Variants in CLOCK observed in about 807,000 individuals in gnomAD.
The protein encoded by CLOCK is circadian locomoter output cycles protein kaput.
CLOCK carries 43 observed loss-of-function variants against 118.4 expected under a neutral mutation model. That is an observed-to-expected ratio of 0.36 (90% CI 0.28 to 0.47). The LOEUF (loss-of-function observed/expected upper bound fraction) is 0.47, where lower values mean the gene tolerates loss of function less well. CLOCK is among the 20% of genes least tolerant of loss of function. The pLI, the probability that CLOCK is intolerant of heterozygous loss-of-function variation, is 1.00. For missense variants in CLOCK, 846 were observed against 999.9 expected, an observed-to-expected ratio of 0.85 and a Z score of 2.08; for synonymous variants, 326 against 339.2, an observed-to-expected ratio of 0.96 and a Z score of 0.43.
At chr4:55,443,173 T>C (rs1051073342) in intron 20 of CLOCK, among the ~76,000 whole-genome samples, 3 of 152,036 alleles carry the variant, frequency 2.0e-5, no homozygotes, top group East Asian at 1.9e-4. Context: ...TTTAAACAGA[T>C]TGTGACATAT....
chr4:55,444,572 T>C, intron 19 of CLOCK, 61 bp downstream of exon 19: 1 of 1,607,806 alleles, frequency 6.2e-7, no homozygotes, highest in Non-Finnish European at 8.5e-7. Context: ...GAAAAGTTAA[T>C]TTTCCTAGAA....
chr4:55,477,153 T>C (rs1014131631), intron 6 of CLOCK, among the ~76,000 whole-genome samples: 5 of 152,246 alleles, frequency 3.3e-5, no homozygotes, highest in South Asian at 4.1e-4. Flanking sequence ...ATGATACATA[T>C]ATAAAATCCT....
intron 1 of CLOCK, among the ~76,000 whole-genome samples, chr4:55,519,367 C>A (rs1196935501): frequency 6.6e-6 from 1 of 152,192 alleles, no homozygotes; most frequent in East Asian, 1.9e-4. Context: ...TCCTGCAATT[C>A]TTTTTGTATA....
chr4:55,546,783 G>C lies in CLOCK; in HGVS notation c.-291C>G, dbSNP rs1379228234. ...GCCCACCGGGCGGGCGCCTCTCACCGGGAGCGCTCGCGGCGGCGGCGGCCA... is the reference window on the plus strand; with the variant it reads ...GCCCACCGGGCGGGCGCCTCTCACCCGGAGCGCTCGCGGCGGCGGCGGCCA... On this transcript the variant is annotated splice_region_variant and 5_prime_UTR_variant, in exon 1 of 23. Transcript: ENST00000513440. 3 of 151,972 alleles carry C rather than the reference G, an allele frequency of 2.0e-5. No individual in the cohort carries two copies. Among genetic ancestry groups the C allele is most frequent in the Non-Finnish European group, 4.4e-5 (3 of 68,040 alleles). 9.4% of individuals were successfully genotyped at this position (151,972 alleles called of 1,614,324 possible). A position where few individuals can be genotyped will look rare whatever the true frequency, so the allele number is the denominator to read the frequency against.
chr4:55,531,811 G>A (rs7668429), intron 1 of CLOCK, among the ~76,000 whole-genome samples: 50,146 of 146,278 alleles, frequency 0.34, 9,109 homozygotes, highest in East Asian at 0.59. Context: ...CTAAAAAGCC[G>A]CCATTACCCT....
intron 4 of CLOCK, among the ~76,000 whole-genome samples, chr4:55,480,919 T>C (rs1726883268): frequency 6.6e-6 from 1 of 151,884 alleles, no homozygotes; most frequent in African/African-American, 2.4e-5. Flanking sequence ...AGTTTTAATT[T>C]TTTTTAAAGG....
In CLOCK at chr4:55,429,754, A is replaced by G. The variant is rs537074827; in HGVS notation, c.*5661T>C. 7 of 152,354 alleles carry G rather than the reference A, an allele frequency of 4.6e-5. No individual in the cohort carries two copies. In the South Asian group the frequency reaches 1.2e-3, roughly 27 times the overall value. 9.4% of individuals were successfully genotyped at this position (152,354 alleles called of 1,614,324 possible). On this transcript the variant is annotated 3_prime_UTR_variant, in exon 23 of 23. Transcript: ENST00000513440. ...ATCACACAAAAAGTGCCCATAAAAC[A>G]AAGAAGGCAGCAAGTGAAACTAGAA...
chr4:55,533,074 C>A (rs1002171625), intron 1 of CLOCK, among the ~76,000 whole-genome samples: 22 of 152,102 alleles, frequency 1.4e-4, no homozygotes, highest in African/African-American at 4.6e-4. Flanking sequence ...TCAATGTAAT[C>A]CCTGTCAAAT....
At chr4:55,523,940 T>C (rs1730006582) in intron 1 of CLOCK, among the ~76,000 whole-genome samples, 1 of 152,202 alleles carries the variant, frequency 6.6e-6, no homozygotes, top group African/African-American at 2.4e-5. Flanking sequence ...CAACAACTTT[T>C]TTCTTTTTAA....
intron 1 of CLOCK, among the ~76,000 whole-genome samples, chr4:55,530,669 G>A (rs551486278): frequency 9.8e-4 from 145 of 148,630 alleles, no homozygotes; most frequent in African/African-American, 3.2e-3. Context: ...CATCTACTGC[G>A]GAGGTTGAAG....
chr4:55,502,462 ATCT>A (rs1231124063), intron 2 of CLOCK, among the ~76,000 whole-genome samples: 1 of 152,094 alleles, frequency 6.6e-6, no homozygotes, highest in Non-Finnish European at 1.5e-5. Flanking sequence ...GGAAAGGATG[ATCT>A]TCTCAATAAA....
chr4:55,525,461 C>A (rs971011092), intron 1 of CLOCK, among the ~76,000 whole-genome samples: 61 of 152,150 alleles, frequency 4.0e-4, no homozygotes, highest in African/African-American at 1.4e-3. Flanking sequence ...GGTAACAGAG[C>A]AAGACCTTGT....
At chr4:55,447,186 G>C (rs113606166) in intron 18 of CLOCK, among the ~76,000 whole-genome samples, 2,571 of 152,050 alleles carry the variant, frequency 0.017, 71 homozygotes, top group African/African-American at 0.058. Flanking sequence ...GGGCAACATG[G>C]CAAAACCCTG....
At chr4:55,519,314 C>T (rs1024185002) in intron 1 of CLOCK, among the ~76,000 whole-genome samples, 1 of 152,202 alleles carries the variant, frequency 6.6e-6, no homozygotes, top group African/African-American at 2.4e-5. Flanking sequence ...GCCTTGGCTT[C>T]CCACAGCACT....
rs141483343 is a variant in CLOCK, at chr4:55,516,858, T to C, written c.-289-6793A>G. Among the ~76,000 whole-genome samples the C allele has an allele frequency of 5.7e-4, 87 of 152,334 alleles. No individual in the cohort carries two copies. In the South Asian group the frequency reaches 8.1e-3, roughly 14 times the overall value. ...CTTTTTTGCTTTTTTGTTTTACTTT[T>C]TTTAGTAGTTGCCCTGGAGTTCACA... On this transcript the variant is annotated intron_variant, in intron 1 of 22. Transcript: ENST00000513440.
intron 7 of CLOCK, among the ~76,000 whole-genome samples, chr4:55,471,417 T>C (rs1726137431): frequency 6.6e-6 from 1 of 152,114 alleles, no homozygotes; most frequent in Non-Finnish European, 1.5e-5. Flanking sequence ...ATAAGAGTAG[T>C]GTGGAAGCAG....
At chr4:55,530,291 A>T (rs1730454595) in intron 1 of CLOCK, among the ~76,000 whole-genome samples, 1 of 152,188 alleles carries the variant, frequency 6.6e-6, no homozygotes, top group African/African-American at 2.4e-5. Flanking sequence ...AGCATCAGAC[A>T]TCTTACCGTC....
chr4:55,508,693 C>T (rs1415110354), intron 2 of CLOCK, among the ~76,000 whole-genome samples: 4 of 151,694 alleles, frequency 2.6e-5, no homozygotes, highest in East Asian at 1.9e-4. Flanking sequence ...CCCGGGTTCA[C>T]GCCATTCTTC....
chr4:55,471,890 T>C (rs996908738), intron 7 of CLOCK, among the ~76,000 whole-genome samples: 35 of 152,046 alleles, frequency 2.3e-4, no homozygotes, highest in African/African-American at 8.4e-4. Context: ...CTGAGCAACA[T>C]GGCGAAACCT....
Sources: allele counts gnomAD v4.1 joint callset (sites outside exome capture counted in the v4.1 genomes callset), GRCh38; gene constraint gnomAD v4.1.1; transcripts MANE v1.5; gene names NCBI Gene and HGNC (gene_info 2026-07-23, HGNC 2026-07-21).